CDH9: variants seen among roughly 807,000 people sequenced by gnomAD.
CDH9 encodes the protein cadherin-9.
CDH9 carries 28 observed loss-of-function variants against 70.9 expected under a neutral mutation model. That is an observed-to-expected ratio of 0.40 (90% CI 0.29 to 0.54). CDH9 has a LOEUF of 0.54. Ranked by LOEUF, CDH9 falls within the 20% of genes least tolerant of loss-of-function variation. The probability of loss-of-function intolerance (pLI) is 0.59; values close to 1 mark genes in which losing one functional copy is unlikely to be tolerated. For synonymous variants in CDH9, 409 were observed against 343.1 expected (o/e 1.19, Z -2.12); for missense variants, 874 against 984.4 (o/e 0.89, Z 1.50).
intron 7 of CDH9, among the ~76,000 whole-genome samples, chr5:26,892,926 G>T (rs1353795822): frequency 1.3e-5 from 2 of 151,926 alleles, no homozygotes; most frequent in Admixed American, 1.3e-4. Flanking sequence ...GTAGAGACAG[G>T]GTTTCACCGT....
At chr5:27,025,946 C>A (rs1480221837) in intron 1 of CDH9, among the ~76,000 whole-genome samples, 1 of 151,988 alleles carries the variant, frequency 6.6e-6, no homozygotes, top group Admixed American at 6.6e-5. Flanking sequence ...GTTCCCACTT[C>A]CTGCCTTAGC....
At position 26,946,780 on chromosome 5, in the gene CDH9, G is replaced by T. The variant is rs1213945920; in HGVS notation, c.229-30856C>A. Among the ~76,000 whole-genome samples the T allele has an allele frequency of 2.6e-5, 4 of 152,064 alleles. No homozygotes were observed. The South Asian group carries it at 8.3e-4, about 31-fold the overall frequency. ...GGAAGATGTCCTATTTACTCACAAA[G>T]TAATAAAAGAACAAGAATTGCCTGA... On this transcript the variant is annotated intron_variant, in intron 2 of 11. Transcript: ENST00000231021.
intron 1 of CDH9, among the ~76,000 whole-genome samples, chr5:27,002,303 C>T (rs1478645900): frequency 6.6e-6 from 1 of 152,102 alleles, no homozygotes; most frequent in African/African-American, 2.4e-5. Flanking sequence ...GAAATAGGAA[C>T]ACTTTTACAC....
At chr5:26,998,164 C>A (rs1742699246) in intron 1 of CDH9, among the ~76,000 whole-genome samples, 3 of 152,122 alleles carry the variant, frequency 2.0e-5, no homozygotes, top group Admixed American at 2.0e-4. Flanking sequence ...GCAATAGAAA[C>A]AACCAATGCC....
chr5:26,886,416 T>C (rs1168524130), intron 9 of CDH9, among the ~76,000 whole-genome samples: 1 of 152,116 alleles, frequency 6.6e-6, no homozygotes, highest in East Asian at 1.9e-4. Context: ...GCACAGTCCA[T>C]TGTATTATTA....
At chr5:26,955,211 C>T (rs553744844) in intron 2 of CDH9, among the ~76,000 whole-genome samples, 2 of 152,212 alleles carry the variant, frequency 1.3e-5, no homozygotes, top group African/African-American at 4.8e-5. Context: ...CCTCTTCTTT[C>T]ATAAATTTCT....
At chr5:26,984,905 G>T (rs17565271) in intron 2 of CDH9, among the ~76,000 whole-genome samples, 70,004 of 151,874 alleles carry the variant, frequency 0.46, 16,922 homozygotes, top group Non-Finnish European at 0.5. Context: ...CAACATTTCT[G>T]ACTTCTCTCC....
intron 1 of CDH9, among the ~76,000 whole-genome samples, chr5:26,990,945 A>T (rs1164681684): frequency 6.6e-6 from 1 of 152,166 alleles, no homozygotes; most frequent in Non-Finnish European, 1.5e-5. Context: ...GTTTTATGAG[A>T]TGGGGCAATA....
intron 2 of CDH9, among the ~76,000 whole-genome samples, chr5:26,936,274 T>C (rs1741557263): frequency 6.6e-6 from 1 of 152,150 alleles, no homozygotes; most frequent in Admixed American, 6.6e-5. Flanking sequence ...CAAAATTCAG[T>C]ATATTTCTAT....
chr5:27,037,052 G>A (rs1743405555), intron 1 of CDH9, among the ~76,000 whole-genome samples: 1 of 151,968 alleles, frequency 6.6e-6, no homozygotes, highest in Admixed American at 6.6e-5. Context: ...TGTAGTGTCT[G>A]AATGTGGAAA....
chr5:26,908,140 T>G (rs1457838749), intron 3 of CDH9, among the ~76,000 whole-genome samples: 1 of 152,176 alleles, frequency 6.6e-6, no homozygotes, highest in East Asian at 1.9e-4. Flanking sequence ...TTGAGGCCTC[T>G]GTTTTCTCAA....
intron 2 of CDH9, among the ~76,000 whole-genome samples, chr5:26,960,415 T>C (rs1742014672): frequency 6.6e-6 from 1 of 152,034 alleles, no homozygotes; most frequent in African/African-American, 2.4e-5. Context: ...CTTACGATAC[T>C]AAAGGTTTTC....
chr5:26,887,880 C>A (rs956852875), intron 9 of CDH9, among the ~76,000 whole-genome samples: 2 of 152,044 alleles, frequency 1.3e-5, no homozygotes, highest in African/African-American at 4.8e-5. Flanking sequence ...CTGGCAAGCA[C>A]ATGAAGCTAG....
In CDH9 at chr5:26,908,536, G is replaced by A. The variant is rs534335097; in HGVS notation, c.524-1698C>T. ...ACCCATTTTATTTTTCTTTTAACAT[G>A]AACATTATTGTAAGCTTTCATAATG... On this transcript the variant is annotated intron_variant, in intron 3 of 11. Coordinates refer to ENST00000231021, the MANE Select transcript of CDH9 (RefSeq NM_016279.4). Among the ~76,000 whole-genome samples the A allele has an allele frequency of 3.3e-5, 5 of 152,096 alleles. 1 individual carries two copies. Among genetic ancestry groups the A allele is most frequent in the South Asian group, 2.1e-4 (1 of 4,820 alleles).
intron 1 of CDH9, among the ~76,000 whole-genome samples, chr5:26,993,861 C>A (rs1269577472): frequency 6.6e-6 from 1 of 152,020 alleles, no homozygotes; most frequent in South Asian, 2.1e-4. Context: ...GGGGTGGTCA[C>A]CCAGAACCAT....
At chr5:26,887,568 A>G (rs1408279382) in intron 9 of CDH9, among the ~76,000 whole-genome samples, 1 of 152,006 alleles carries the variant, frequency 6.6e-6, no homozygotes, top group African/African-American at 2.4e-5. Context: ...ATACTGATAG[A>G]TAAGTGAGTA....
chr5:26,959,598 C>G (rs2112058457), intron 2 of CDH9, among the ~76,000 whole-genome samples: 1 of 151,950 alleles, frequency 6.6e-6, no homozygotes, highest in Non-Finnish European at 1.5e-5. Context: ...AGGAAGAAAC[C>G]AAAGATCTAT....
At chr5:27,020,036 C>A (rs1212647581) in intron 1 of CDH9, among the ~76,000 whole-genome samples, 1 of 151,664 alleles carries the variant, frequency 6.6e-6, no homozygotes, top group East Asian at 1.9e-4. Flanking sequence ...AACTTATATT[C>A]TTTGTTCTGA....
chr5:26,967,105 T>C (rs1742143212), intron 2 of CDH9, among the ~76,000 whole-genome samples: 1 of 151,780 alleles, frequency 6.6e-6, no homozygotes. Context: ...GCTAATTTTT[T>C]ATTTTATTTT....
Sources: allele counts gnomAD v4.1 joint callset (sites outside exome capture counted in the v4.1 genomes callset), GRCh38; gene constraint gnomAD v4.1.1; transcripts MANE v1.5; gene names NCBI Gene and HGNC (gene_info 2026-07-23, HGNC 2026-07-21).